WDR70: variants seen among roughly 807,000 people sequenced by gnomAD.
WDR70 encodes the protein WD repeat-containing protein 70.
Under a neutral mutation model 88.6 loss-of-function variants are expected in WDR70, and 53 were observed. That is an observed-to-expected ratio of 0.60 (90% CI 0.48 to 0.75). WDR70 has a LOEUF of 0.75. Among genes scored for constraint, WDR70 ranks in the 30% least tolerant of loss-of-function variants. WDR70 has a pLI of 0.00. For synonymous variants in WDR70, 280 were observed against 270.0 expected, an observed-to-expected ratio of 1.04 and a Z score of -0.36; for missense variants, 610 against 823.2, an observed-to-expected ratio of 0.74 and a Z score of 3.17.
intron 10 of WDR70, among the ~76,000 whole-genome samples, chr5:37,607,677 A>C (rs901557713): frequency 3.3e-5 from 5 of 152,210 alleles, no homozygotes; most frequent in Admixed American, 3.3e-4. Context: ...GGTACCCAGT[A>C]GCATCATGTG....
At chr5:37,468,636 A>G (rs1385575292) in intron 7 of WDR70, among the ~76,000 whole-genome samples, 7 of 152,138 alleles carry the variant, frequency 4.6e-5, no homozygotes, top group African/African-American at 7.2e-5. Flanking sequence ...TTTCAAATAT[A>G]TAATACATTA....
chr5:37,485,393 G>T (rs1739827370), intron 8 of WDR70, among the ~76,000 whole-genome samples: 1 of 152,138 alleles, frequency 6.6e-6, no homozygotes, highest in South Asian at 2.1e-4. Flanking sequence ...GTGATATTCT[G>T]CCTTCTTTTT....
chr5:37,415,069 G>A (rs1276100466), intron 5 of WDR70, among the ~76,000 whole-genome samples: 13 of 150,732 alleles, frequency 8.6e-5, no homozygotes, highest in African/African-American at 3.2e-4. Context: ...AGTGGACACA[G>A]CACATGTTTC....
intron 8 of WDR70, among the ~76,000 whole-genome samples, chr5:37,500,850 C>T (rs749358362): frequency 4.0e-5 from 6 of 151,514 alleles, no homozygotes; most frequent in African/African-American, 7.3e-5. Context: ...CTCAGCCTCC[C>T]GAGTAGCTGG....
chr5:37,658,599 A>C (rs572473792), intron 10 of WDR70, among the ~76,000 whole-genome samples: 1 of 152,250 alleles, frequency 6.6e-6, no homozygotes, highest in Admixed American at 6.5e-5. Flanking sequence ...AGAATTAGTC[A>C]CTTCCTCCTC....
In WDR70 at chr5:37,608,955, A is replaced by G. The variant is rs79524915; in HGVS notation, c.1092+3717A>G. On this transcript the variant is annotated intron_variant, in intron 10 of 17. Coordinates refer to ENST00000265107, the MANE Select transcript of WDR70 (RefSeq NM_018034.4). ...CCTGCTGTATTCCCAGAGCAAAGAC[A>G]GTGCCTAGTATATAGCAGACCTTCA... is the stretch of plus-strand genomic sequence containing the variant. Among the ~76,000 whole-genome samples the G allele has an allele frequency of 4.1e-3, 618 of 152,364 alleles. 2 individuals are homozygous for G. Among genetic ancestry groups the G allele is most frequent in the Middle Eastern group, 6.8e-3 (2 of 294 alleles).
chr5:37,651,066 A>G (rs1464462527), intron 10 of WDR70, among the ~76,000 whole-genome samples: 1 of 151,912 alleles, frequency 6.6e-6, no homozygotes, highest in South Asian at 2.1e-4. Context: ...GCACTCATCA[A>G]CCCGTCGTCT....
intron 10 of WDR70, among the ~76,000 whole-genome samples, chr5:37,617,334 A>G (rs1048161123): frequency 2.0e-5 from 3 of 152,176 alleles, no homozygotes; most frequent in South Asian, 2.1e-4. Context: ...CTAAAACAAG[A>G]TTGTGGTGAT....
chr5:37,442,240 T>A (rs1398338244), intron 6 of WDR70, among the ~76,000 whole-genome samples: 1 of 151,992 alleles, frequency 6.6e-6, no homozygotes, highest in African/African-American at 2.4e-5. Context: ...TTTCTCCATG[T>A]TGGTCAGGCT....
intron 9 of WDR70, among the ~76,000 whole-genome samples, chr5:37,555,109 C>T (rs1231237293): frequency 1.3e-5 from 2 of 152,098 alleles, no homozygotes; most frequent in African/African-American, 4.8e-5. Context: ...TGAGAAGGCA[C>T]CACCTAATGG....
intron 10 of WDR70, among the ~76,000 whole-genome samples, chr5:37,622,937 A>G (rs1303575125): frequency 1.3e-5 from 2 of 152,184 alleles, no homozygotes; most frequent in African/African-American, 2.4e-5. Context: ...TAAAAAACCA[A>G]TGTGATTCTA....
chr5:37,497,586 A>T (rs769887423), intron 8 of WDR70, among the ~76,000 whole-genome samples: 12 of 150,760 alleles, frequency 8.0e-5, no homozygotes, highest in Admixed American at 7.9e-4. Flanking sequence ...ATTTATCTAT[A>T]CTGAGAACTT....
At chr5:37,415,639 G>A (rs527538751) in intron 5 of WDR70, among the ~76,000 whole-genome samples, 208 of 150,442 alleles carry the variant, frequency 1.4e-3, no homozygotes, top group African/African-American at 4.9e-3. Flanking sequence ...CCTCCCGGAC[G>A]GGGCGGCTGG....
intron 5 of WDR70, among the ~76,000 whole-genome samples, chr5:37,416,676 C>T (rs997107185): frequency 1.1e-4 from 16 of 151,414 alleles, no homozygotes; most frequent in African/African-American, 3.4e-4. Context: ...ACCTCCCAGG[C>T]TCAAGCGATT....
chr5:37,539,352 G>A (rs1280704989), intron 9 of WDR70, among the ~76,000 whole-genome samples: 1 of 152,094 alleles, frequency 6.6e-6, no homozygotes, highest in African/African-American at 2.4e-5. Context: ...ATGAATGTGG[G>A]CCCTAATCCA....
intron 4 of WDR70, among the ~76,000 whole-genome samples, chr5:37,394,285 CAAAA>C (rs199867827): frequency 3.1e-5 from 3 of 95,796 alleles, no homozygotes; most frequent in South Asian, 6.9e-4. Context: ...GACTCTGTCT[CAAAA>C]AAAAAAAAAA....
chr5:37,646,245 CAA>C (rs1040004036), intron 10 of WDR70, among the ~76,000 whole-genome samples: 3 of 151,960 alleles, frequency 2.0e-5, no homozygotes, highest in Admixed American at 1.3e-4. Context: ...AAAAAACAAA[CAA>C]AGAGAAGACC....
At chr5:37,506,908 CCT>C in intron 8 of WDR70, 1 of 899,610 alleles carries the variant, frequency 1.1e-6, no homozygotes, top group Non-Finnish European at 1.9e-6. Flanking sequence ...CCCACTTGGT[CCT>C]CCTCCCACCT....
chr5:37,632,309 A>T (rs1317422223), intron 10 of WDR70, among the ~76,000 whole-genome samples: 1 of 152,204 alleles, frequency 6.6e-6, no homozygotes. Context: ...ATACTATACT[A>T]TACCTTTAGT....
Sources: allele counts gnomAD v4.1 joint callset (sites outside exome capture counted in the v4.1 genomes callset), GRCh38; gene constraint gnomAD v4.1.1; transcripts MANE v1.5; gene names NCBI Gene and HGNC (gene_info 2026-07-23, HGNC 2026-07-21).